NEMP2: variants seen among roughly 807,000 people sequenced by gnomAD.
The protein encoded by NEMP2 is UPF0571 transmembrane protein.
A neutral mutation model predicts 54.2 loss-of-function variants in NEMP2; 53 were observed. That is an observed-to-expected ratio of 0.98 (90% confidence interval 0.78 to 1.23). The LOEUF (loss-of-function observed/expected upper bound fraction) is 1.23. Ranked by LOEUF, NEMP2 falls within the 50% of genes most tolerant of loss-of-function variation. NEMP2 has a pLI of 0.00. For missense variants in NEMP2, 455 were observed against 511.3 expected (o/e 0.89, Z 1.06); for synonymous variants, 197 against 190.3 (o/e 1.04, Z -0.29).
chr2:190,581,428 T>C, the NEMP2 span, among the ~76,000 whole-genome samples: 1 of 152,216 alleles, frequency 6.6e-6, no homozygotes, highest in Non-Finnish European at 1.5e-5. Flanking sequence ...CATATTATTA[T>C]GTAAAATGAT....
rs140339657 is a variant in NEMP2, at chr2:190,534,121, T to G, written c.97+438A>C. On this transcript the variant is annotated intron_variant, in intron 1 of 8. Transcript: ENST00000409150. ...CTGAAGCTGTTACCTTCTCTAGTCT[T>G]GAGACCAAAGGAATGCGAGATAGTG... 7.4e-4 allele frequency: 728 copies of G among 988,484 alleles called. 8 individuals carry two copies. The African/African-American group carries it at 0.012, about 16-fold the overall frequency. 61.2% of individuals were successfully genotyped at this position (988,484 alleles called of 1,614,324 possible). A position where few individuals can be genotyped will look rare whatever the true frequency, so the allele number is the denominator to read the frequency against.
chr2:190,634,226 C>T, the NEMP2 span, among the ~76,000 whole-genome samples: 1 of 152,038 alleles, frequency 6.6e-6, no homozygotes, highest in Admixed American at 6.6e-5. This position sits in a 1 kb window ranked among gnomAD's most constrained non-coding sequence, Gnocchi z 6.8. Context: ...TATTAAGAAA[C>T]AAAACATTAC....
chr2:190,623,717 A>T, the NEMP2 span, among the ~76,000 whole-genome samples: 1 of 152,194 alleles, frequency 6.6e-6, no homozygotes, highest in Admixed American at 6.5e-5. Flanking sequence ...AACTAGAAGA[A>T]AACATTGGGG....
chr2:190,578,986 A>G, the NEMP2 span, among the ~76,000 whole-genome samples: 5 of 152,126 alleles, frequency 3.3e-5, no homozygotes, highest in South Asian at 6.2e-4. The surrounding 1 kb of genome is among the most constrained non-coding windows in gnomAD (Gnocchi z 4.4). Context: ...GATTTTTACC[A>G]CACCCTGATG....
the NEMP2 span, chr2:190,436,090 G>A: frequency 6.2e-7 from 1 of 1,614,200 alleles, no homozygotes; most frequent in Non-Finnish European, 8.5e-7. This position sits in a 1 kb window ranked among gnomAD's most constrained non-coding sequence, Gnocchi z 5.3. Flanking sequence ...GAGAAAGTAT[G>A]TGCTTGCAGA....
chr2:190,492,735 A>G, the NEMP2 span, among the ~76,000 whole-genome samples: 1 of 151,628 alleles, frequency 6.6e-6, no homozygotes, highest in East Asian at 1.9e-4. The surrounding 1 kb of genome is among the most constrained non-coding windows in gnomAD (Gnocchi z 5.2). Flanking sequence ...AGTCTTTTTC[A>G]GACAAACAAA....
intron 1 of NEMP2, among the ~76,000 whole-genome samples, chr2:190,532,513 G>A (rs968292524): frequency 6.6e-6 from 1 of 152,140 alleles, no homozygotes; most frequent in Non-Finnish European, 1.5e-5. Context: ...AAAATTATGG[G>A]AAACTCTTGA....
chr2:190,496,056 C>T, the NEMP2 span, among the ~76,000 whole-genome samples: 1 of 152,046 alleles, frequency 6.6e-6, no homozygotes, highest in African/African-American at 2.4e-5. This position sits in a 1 kb window ranked among gnomAD's most constrained non-coding sequence, Gnocchi z 4.7. Context: ...AAACAGACAA[C>T]CCACAGAGTG....
the NEMP2 span, among the ~76,000 whole-genome samples, chr2:190,631,563 T>C: frequency 6.6e-6 from 1 of 152,252 alleles, no homozygotes; most frequent in Non-Finnish European, 1.5e-5. Context: ...ATAAGACTTA[T>C]AAAAGCAACT....
At chr2:190,497,941 T>A in the NEMP2 span, 7 of 428,530 alleles carry the variant, frequency 1.6e-5, no homozygotes, top group Non-Finnish European at 2.9e-5. The surrounding 1 kb of genome is among the most constrained non-coding windows in gnomAD (Gnocchi z 5.2). Context: ...CAGGAAAACT[T>A]CAGAGGTTAT....
the NEMP2 span, among the ~76,000 whole-genome samples, chr2:190,633,125 C>T: frequency 6.6e-6 from 1 of 152,160 alleles, no homozygotes; most frequent in Non-Finnish European, 1.5e-5. Flanking sequence ...TAAGTGCATT[C>T]TGATTGCACC....
At chr2:190,563,678 C>T in the NEMP2 span, among the ~76,000 whole-genome samples, 2 of 152,208 alleles carry the variant, frequency 1.3e-5, no homozygotes, top group African/African-American at 4.8e-5. This position sits in a 1 kb window ranked among gnomAD's most constrained non-coding sequence, Gnocchi z 4.3. Flanking sequence ...TGAAATATTT[C>T]ACTCACATTT....
chr2:190,612,644 A>G, the NEMP2 span, among the ~76,000 whole-genome samples: 1 of 151,920 alleles, frequency 6.6e-6, no homozygotes, highest in African/African-American at 2.4e-5. Context: ...TTTTAAGTCA[A>G]AAAAAGTTTA....
Position 190,519,766 on chromosome 2 carries a change from C to T in NEMP2, c.214-583G>A, listed in dbSNP as rs1420416961. ...CTAGCAAGTTATTGTGGCCAAGAGACATTAAAAAGGATAAGAAGAATGTAC... is the reference window on the plus strand; with the variant it reads ...CTAGCAAGTTATTGTGGCCAAGAGATATTAAAAAGGATAAGAAGAATGTAC... On this transcript the variant is annotated intron_variant, in intron 2 of 8. Coordinates refer to ENST00000409150, the MANE Select transcript of NEMP2 (RefSeq NM_001142645.2). The surrounding 1 kb of genome is among the most constrained non-coding windows in gnomAD (Gnocchi z 5.4). Among the ~76,000 whole-genome samples, 1 of 152,156 alleles carries T rather than the reference C, an allele frequency of 6.6e-6. No individual in the cohort carries two copies. The highest frequency in any genetic ancestry group is 2.4e-5 in the African/African-American group (1 of 41,436).
At chr2:190,620,104 T>G in the NEMP2 span, among the ~76,000 whole-genome samples, 1 of 152,180 alleles carries the variant, frequency 6.6e-6, no homozygotes, top group Non-Finnish European at 1.5e-5. The surrounding 1 kb of genome is among the most constrained non-coding windows in gnomAD (Gnocchi z 4.9). Flanking sequence ...TAATTTTCCC[T>G]GGGGAACTAA....
the NEMP2 span, among the ~76,000 whole-genome samples, chr2:190,598,687 G>T: frequency 1.3e-5 from 2 of 152,182 alleles, no homozygotes; most frequent in Non-Finnish European, 2.9e-5. Flanking sequence ...CTACTAGCTA[G>T]CAAAGCAACC....
the NEMP2 span, among the ~76,000 whole-genome samples, chr2:190,424,043 C>T: frequency 6.6e-6 from 1 of 152,306 alleles, no homozygotes; most frequent in Admixed American, 6.5e-5. This position sits in a 1 kb window ranked among gnomAD's most constrained non-coding sequence, Gnocchi z 5.9. Flanking sequence ...TAATCCTTCG[C>T]TGGATTTGTG....
the NEMP2 span, among the ~76,000 whole-genome samples, chr2:190,584,798 C>T: frequency 6.6e-6 from 1 of 151,876 alleles, no homozygotes; most frequent in African/African-American, 2.4e-5. This position sits in a 1 kb window ranked among gnomAD's most constrained non-coding sequence, Gnocchi z 4.2. Flanking sequence ...ATAGCTTGAG[C>T]CCAGTAGTTC....
chr2:190,549,353 A>G, the NEMP2 span, among the ~76,000 whole-genome samples: 2 of 152,208 alleles, frequency 1.3e-5, no homozygotes, highest in Admixed American at 1.3e-4. Context: ...TTGACACTCA[A>G]ATTCCGTGAT....
Sources: allele counts gnomAD v4.1 joint callset (sites outside exome capture counted in the v4.1 genomes callset), GRCh38; gene constraint gnomAD v4.1.1; non-coding constraint Gnocchi (gnomAD v3.1); transcripts MANE v1.5; gene names NCBI Gene and HGNC (gene_info 2026-07-23, HGNC 2026-07-21).